The following TMEM132B variants were observed in gnomAD, a reference collection of about 807,000 sequenced individuals.
TMEM132B encodes the protein transmembrane protein 132B.
TMEM132B carries 18 observed loss-of-function variants against 90.8 expected under a neutral mutation model. The observed-to-expected ratio is 0.20, with a 90% CI of 0.14 to 0.29. The LOEUF is 0.29. TMEM132B is among the 10% of genes least tolerant of loss of function. The probability of loss-of-function intolerance (pLI) is 1.00; values close to 1 mark genes in which losing one functional copy is unlikely to be tolerated. For synonymous variants in TMEM132B, 504 were observed against 523.3 expected (o/e 0.96, Z 0.50); for missense variants, 1,096 against 1,326.8 (o/e 0.83, Z 2.70).
intron 2 of TMEM132B, among the ~76,000 whole-genome samples, chr12:125,386,037 G>C (rs566099530): frequency 6.6e-6 from 1 of 152,270 alleles, no homozygotes; most frequent in South Asian, 2.1e-4. Flanking sequence ...CTGTTGCCCA[G>C]GTTGGAGTGC....
chr12:125,205,002 G>A (rs1873147602), intron 1 of TMEM132B, among the ~76,000 whole-genome samples: 1 of 113,848 alleles, frequency 8.8e-6, no homozygotes, highest in Non-Finnish European at 1.8e-5. Context: ...TCTTTATGTG[G>A]AGTATCTCAT....
At chr12:125,326,163 G>C (rs1192440087) in intron 1 of TMEM132B, among the ~76,000 whole-genome samples, 2 of 152,234 alleles carry the variant, frequency 1.3e-5, no homozygotes, top group African/African-American at 4.8e-5. Context: ...CACATGCCCA[G>C]TTATGACCAA....
chr12:125,560,715 C>G (rs1468545033), intron 4 of TMEM132B, among the ~76,000 whole-genome samples: 1 of 150,906 alleles, frequency 6.6e-6, no homozygotes, highest in Non-Finnish European at 1.5e-5. Flanking sequence ...GTCCCAGCTA[C>G]TCGGGAGGCT....
rs571109309 is a variant in TMEM132B at position 125,661,859 on chromosome 12, G to A, written c.*7149G>A. Reference sequence around the variant, plus strand: ...AACAGACCCGTGCTCTTAGAGGGAGGTAGTGTGTGTCTTCCCATGGCAAAT... The same window carrying A: ...AACAGACCCGTGCTCTTAGAGGGAGATAGTGTGTGTCTTCCCATGGCAAAT... On this transcript the variant is annotated 3_prime_UTR_variant, in exon 9 of 9. Coordinates refer to ENST00000682704, the MANE Select transcript of TMEM132B (RefSeq NM_001366854.1). 2 of 152,340 alleles carry A rather than the reference G, an allele frequency of 1.3e-5. No homozygotes were observed. The highest frequency in any genetic ancestry group is 1.9e-4 in the East Asian group (1 of 5,180). The allele number at this position is 152,340 out of a possible 1,614,324, so 9.4% of individuals were successfully genotyped here.
At chr12:125,431,160 G>A (rs1032272890) in intron 3 of TMEM132B, among the ~76,000 whole-genome samples, 36 of 152,160 alleles carry the variant, frequency 2.4e-4, no homozygotes, top group African/African-American at 8.7e-4. Context: ...TTTGAGGGAA[G>A]TGATGTGATC....
intron 4 of TMEM132B, among the ~76,000 whole-genome samples, chr12:125,554,949 G>A (rs184297598): frequency 1.3e-5 from 2 of 152,230 alleles, no homozygotes; most frequent in African/African-American, 4.8e-5. Context: ...TTATCACTGG[G>A]GGACAAGGAG....
intron 5 of TMEM132B, among the ~76,000 whole-genome samples, chr12:125,630,638 A>G (rs1886346443): frequency 6.6e-6 from 1 of 152,072 alleles, no homozygotes; most frequent in Non-Finnish European, 1.5e-5. Flanking sequence ...CAGGTTTGTT[A>G]TATAGGTAAA....
At chr12:125,541,552 C>A (rs1883957298) in intron 4 of TMEM132B, among the ~76,000 whole-genome samples, 1 of 152,108 alleles carries the variant, frequency 6.6e-6, no homozygotes, top group South Asian at 2.1e-4. Context: ...AGGTAGATTT[C>A]ATTACCACAG....
rs1192246942 is a variant in TMEM132B at position 125,409,639 on chromosome 12, AGGAGT to A, written c.960-5870_960-5866del. Among the ~76,000 whole-genome samples the A allele has an allele frequency of 7.1e-3, 345 of 48,612 alleles. 9 individuals are homozygous for A. Among genetic ancestry groups the A allele is most frequent in the Middle Eastern group, 0.014 (1 of 70 alleles). The allele number at this position is 48,612 out of a possible 152,430, so 31.9% of individuals were successfully genotyped here. On this transcript the variant is annotated intron_variant, in intron 2 of 8. Transcript: ENST00000682704. ...GGAGTGGAGGAGTGGAGTGGAGTGG[AGGAGT>A]GGAGTGGAGTGGAGTGGAGTGAGTG...
chr12:125,535,300 C>T (rs1181960456), intron 4 of TMEM132B, among the ~76,000 whole-genome samples: 2 of 152,200 alleles, frequency 1.3e-5, no homozygotes, highest in East Asian at 3.8e-4. Flanking sequence ...CTGTTAGTCT[C>T]ACTTTAATGA....
chr12:125,591,129 A>G (rs192874893), intron 5 of TMEM132B, among the ~76,000 whole-genome samples: 3 of 152,292 alleles, frequency 2.0e-5, no homozygotes, highest in East Asian at 3.9e-4. Context: ...CCATCAGGGA[A>G]TGAATTGATA....
At chr12:125,573,220 T>C (rs1458505655) in intron 4 of TMEM132B, among the ~76,000 whole-genome samples, 1 of 152,200 alleles carries the variant, frequency 6.6e-6, no homozygotes, top group Non-Finnish European at 1.5e-5. Flanking sequence ...AGGAAAAAAC[T>C]ATATACATGT....
intron 5 of TMEM132B, chr12:125,622,532 G>A (rs1566092221): frequency 1.0e-6 from 1 of 966,114 alleles, no homozygotes. Context: ...AGACTGCGTG[G>A]AGGCCATGCT....
chr12:125,598,322 G>A (rs1430655192), intron 5 of TMEM132B, among the ~76,000 whole-genome samples: 1 of 152,164 alleles, frequency 6.6e-6, no homozygotes, highest in Non-Finnish European at 1.5e-5. Flanking sequence ...GAGGTGACAC[G>A]TGTTCATTGA....
intron 1 of TMEM132B, among the ~76,000 whole-genome samples, chr12:125,256,037 C>G (rs1874431905): frequency 6.6e-6 from 1 of 151,854 alleles, no homozygotes; most frequent in South Asian, 2.1e-4. Context: ...AATTTCTCAT[C>G]TCTTGGATTT....
At chr12:125,544,153 A>T (rs1884028778) in intron 4 of TMEM132B, among the ~76,000 whole-genome samples, 1 of 152,212 alleles carries the variant, frequency 6.6e-6, no homozygotes, top group Non-Finnish European at 1.5e-5. Flanking sequence ...GAACAGTGAG[A>T]ACACATGGAG....
chr12:125,409,835 T>G (rs1593129003), intron 2 of TMEM132B, among the ~76,000 whole-genome samples: 1 of 12,968 alleles, frequency 7.7e-5, no homozygotes, highest in Non-Finnish European at 1.5e-4. Flanking sequence ...TGGAGTGGAG[T>G]GGAGTGGAGG....
chr12:125,275,545 G>A (rs1356845232), intron 1 of TMEM132B, among the ~76,000 whole-genome samples: 1 of 152,152 alleles, frequency 6.6e-6, no homozygotes, highest in African/African-American at 2.4e-5. Flanking sequence ...ATTAAGGAGA[G>A]TTTCTTTGAA....
At chr12:125,463,296 A>C (rs1881486023) in intron 3 of TMEM132B, among the ~76,000 whole-genome samples, 1 of 152,110 alleles carries the variant, frequency 6.6e-6, no homozygotes, top group Non-Finnish European at 1.5e-5. Flanking sequence ...AGGAACTCGC[A>C]TTGTGGTCTG....
Sources: gnomAD v4.1 joint callset for allele counts (sites outside exome capture counted in the v4.1 genomes callset) on GRCh38, gnomAD v4.1.1 for gene constraint, MANE v1.5 for transcripts, NCBI Gene and HGNC (gene_info 2026-07-23, HGNC 2026-07-21) for gene names.